The following HRNR variants were observed in gnomAD, a reference collection of about 807,000 sequenced individuals.
HRNR encodes hornerin.
HRNR carries 7 observed loss-of-function variants against 4.8 expected under a neutral mutation model. The observed-to-expected ratio is 1.47, with a 90% CI of 0.83 to 2.75. HRNR has a LOEUF of 2.75. Among genes scored for constraint, HRNR ranks in the 30% most tolerant of loss-of-function variants. The pLI is 0.00. For synonymous variants in HRNR, 1,023 were observed against 1,242.7 expected, an observed-to-expected ratio of 0.82 and a Z score of 3.72; for missense variants, 2,879 against 3,010.4, an observed-to-expected ratio of 0.96 and a Z score of 1.02.
In HRNR at chr1:152,223,257, T is replaced by A. The variant is rs745806751; in HGVS notation, c.-4A>T. The A allele has an allele frequency of 6.2e-7, 1 of 1,609,078 alleles. No homozygotes were observed. Reference sequence around the variant, plus strand: ...CGCCTTGTAGGAGTTTAGGCATTTTTTTTTTTGCAAGTTTGAGTAACCTAA... The same window carrying A: ...CGCCTTGTAGGAGTTTAGGCATTTTATTTTTTGCAAGTTTGAGTAACCTAA... On this transcript the variant is annotated 5_prime_UTR_variant, in exon 2 of 3. Transcript: ENST00000368801.
chr1:152,212,814 C>T lies in HRNR; in HGVS notation c.*262G>A, dbSNP rs566404141. The T allele has an allele frequency of 7.6e-6, 4 of 524,572 alleles. No individual in the cohort carries two copies. The East Asian group carries it at 1.0e-4, about 13-fold the overall frequency. 32.5% of individuals were successfully genotyped at this position (524,572 alleles called of 1,614,324 possible). A position where few individuals can be genotyped will look rare whatever the true frequency, so the allele number is the denominator to read the frequency against. ...GCTCTTTAAAAGCTTTTCATTATTC[C>T]TCAAAGTTTAACCCTCATTCTAACA... On this transcript the variant is annotated 3_prime_UTR_variant, in exon 3 of 3. Coordinates refer to ENST00000368801, the MANE Select transcript of HRNR (RefSeq NM_001009931.3).
chr1:152,212,796 A>G lies in HRNR; in HGVS notation c.*280T>C. 1 of 487,116 alleles carries G rather than the reference A, an allele frequency of 2.1e-6. No individual in the cohort carries two copies. Among genetic ancestry groups the G allele is most frequent in the Non-Finnish European group, 3.6e-6 (1 of 278,346 alleles). The allele number at this position is 487,116 out of a possible 1,614,324, so 30.2% of individuals were successfully genotyped here. On this transcript the variant is annotated 3_prime_UTR_variant, in exon 3 of 3. Coordinates refer to ENST00000368801, the MANE Select transcript of HRNR (RefSeq NM_001009931.3). Reference sequence around the variant, plus strand: ...ACTCCAACTAAACCCAAAGCTCTTTAAAAGCTTTTCATTATTCCTCAAAGT... The same window carrying G: ...ACTCCAACTAAACCCAAAGCTCTTTGAAAGCTTTTCATTATTCCTCAAAGT...
rs372592483 is a variant in HRNR at position 152,218,591 on chromosome 1, C to G, written c.3038G>C (p.Arg1013Pro). ...AGACTGCCCGGAACCAGACCCATGT[C>G]GGCCACGGCTAGGGCTAGGAGACTG... ...SGQSPSPSRG[R>P]HGSGSGQSSS... Residue 1013 changes from arginine to proline, a missense_variant, in exon 3 of 3, where the codon CGA becomes CCA. Physicochemically the swap from Arg to Pro is moderately radical, Grantham distance 103. Around this residue, in one of 8 missense-constraint regions of HRNR, gnomAD observed 2,646 missense variants for 1,377.7 expected, o/e 1.92. Coordinates refer to ENST00000368801, the MANE Select transcript of HRNR (RefSeq NM_001009931.3). 45 of 1,613,610 alleles carry G rather than the reference C, an allele frequency of 2.8e-5. No homozygotes were observed. The highest frequency in any genetic ancestry group is 3.8e-5 in the Non-Finnish European group (45 of 1,179,862).
Position 152,216,796 on chromosome 1 carries a change from G to GT in HRNR, c.4832dup (p.Tyr1611Ter). Residue 1611 changes from tyrosine to a stop codon, truncating the protein, a stop_gained and frameshift_variant, in exon 3 of 3, where the codon TAC (tyrosine) becomes TAAC (stop). Coordinates refer to ENST00000368801, the MANE Select transcript of HRNR (RefSeq NM_001009931.3). LOFTEE classifies it low-confidence loss of function (END_TRUNC). Reference sequence around the variant, plus strand: ...GACCGGAGCCAGACCCATGTCGGCCGTAGCTGGGAGACTGCCTTGACCCAG... The same window carrying GT: ...GACCGGAGCCAGACCCATGTCGGCCGTTAGCTGGGAGACTGCCTTGACCCAG... ...RGSGSRQSPS[Y>*]GRHGSGSGRS... 1 of 760,018 alleles carries GT rather than the reference G, an allele frequency of 1.3e-6. No homozygotes were observed. Among genetic ancestry groups the GT allele is most frequent in the Non-Finnish European group, 1.9e-6 (1 of 539,400 alleles). The allele number at this position is 760,018 out of a possible 1,614,324, so 47.1% of individuals were successfully genotyped here.
Position 152,218,658 on chromosome 1 carries a change from G to T in HRNR, c.2971C>A (p.Arg991Ser), listed in dbSNP as rs373485996. 11 of 1,610,024 alleles carry T rather than the reference G, an allele frequency of 6.8e-6. No homozygotes were observed. The East Asian group carries it at 2.5e-4, about 36-fold the overall frequency. Residue 991 changes from arginine (R) to serine (S), a missense_variant, in exon 3 of 3, where the codon CGT (arginine) becomes AGT (serine). By Grantham distance (110) the Arg-to-Ser change is moderately radical (BLOSUM62 -1). Around this residue, in one of 8 missense-constraint regions of HRNR, gnomAD observed 2,646 missense variants for 1,377.7 expected, o/e 1.92. Coordinates refer to ENST00000368801, the MANE Select transcript of HRNR (RefSeq NM_001009931.3). Reference sequence around the variant, plus strand: ...TGTTGGCCGTGGCCCAAAGACTGACGGGAGCCAGACCCATGCTGACCATAG... The same window carrying T: ...TGTTGGCCGTGGCCCAAAGACTGACTGGAGCCAGACCCATGCTGACCATAG... ...SSYGQHGSGS[R>S]QSLGHGQHGS...
chr1:152,213,486 C>T lies in HRNR; in HGVS notation c.8143G>A (p.Gly2715Arg). Residue 2715 changes from glycine to arginine, a missense_variant, in exon 3 of 3, where the codon GGG becomes AGG. Coordinates refer to ENST00000368801, the MANE Select transcript of HRNR (RefSeq NM_001009931.3). ...TGCTGTCCTTGGCTACAGAAGTGCC[C>T]TGAGCCACTACCATGCTGACTGTAA... ...SAYSQHGSGS[G>R]HFCSQGQHGS... 1 of 1,389,964 alleles carries T rather than the reference C, an allele frequency of 7.2e-7. No individual in the cohort carries two copies. The highest frequency in any genetic ancestry group is 1.0e-6 in the Non-Finnish European group (1 of 1,002,840). 86.1% of individuals were successfully genotyped at this position (1,389,964 alleles called of 1,614,324 possible).
In HRNR at chr1:152,220,875, C is replaced by G; in HGVS notation, c.754G>C (p.Gly252Arg). The change falls in exon 3 of 3, where the codon GGT (glycine) becomes CGT (arginine). Residue 252 changes from glycine (G) to arginine (R), a missense_variant. Gly to Arg is a moderately radical substitution (Grantham distance 125). Transcript: ENST00000368801. ...TGTTGTCCGTAGCCAGAGGAGTGACCTGAGCCAGATCCATGCTGACTGTAA... is the reference window on the plus strand; with the variant it reads ...TGTTGTCCGTAGCCAGAGGAGTGACGTGAGCCAGATCCATGCTGACTGTAA... ...SGYSQHGSGS[G>R]HSSGYGQHGS... 1 of 1,614,118 alleles carries G rather than the reference C, an allele frequency of 6.2e-7. No homozygotes were observed. The highest frequency in any genetic ancestry group is 8.5e-7 in the Non-Finnish European group (1 of 1,180,030).
rs1274470104 is a variant in HRNR at position 152,219,357 on chromosome 1, C to T, written c.2272G>A (p.Gly758Ser). 2 of 1,613,832 alleles carry T rather than the reference C, an allele frequency of 1.2e-6. No homozygotes were observed. Among genetic ancestry groups the T allele is most frequent in the Non-Finnish European group, 1.7e-6 (2 of 1,180,008 alleles). ...CCGTGGCCCGAAGATTGATGGGAGC[C>T]CGACCCATGCTGACCATAGCTGGAA... ...LSSSYGQHGS[G>S]SHQSSGHGRQ... Residue 758 changes from glycine (G) to serine (S), a missense_variant, in exon 3 of 3, where the codon GGC becomes AGC. This residue lies in a region of HRNR where 2,646 missense variants were observed against 1,377.7 expected (regional missense o/e 1.92). Transcript: ENST00000368801.
Position 152,218,267 on chromosome 1 carries a change from C to T in HRNR, c.3362G>A (p.Gly1121Glu). The change falls in exon 3 of 3, where the codon GGA becomes GAA. Residue 1121 changes from glycine (G) to glutamate (E), a missense_variant. Around this residue, in one of 8 missense-constraint regions of HRNR, gnomAD observed 26 missense variants for 79.4 expected, o/e 0.33. Coordinates refer to ENST00000368801, the MANE Select transcript of HRNR (RefSeq NM_001009931.3). ...QSSGYGRQGS[G>E]SGQSPGHGQR... Reference sequence around the variant, plus strand: ...GCCGTGGCCTGGAGACTGGCCAGATCCAGAGCCCTGTCGGCCATAGCCAGA... The same window carrying T: ...GCCGTGGCCTGGAGACTGGCCAGATTCAGAGCCCTGTCGGCCATAGCCAGA... 5 of 1,593,380 alleles carry T rather than the reference C, an allele frequency of 3.1e-6. No individual in the cohort carries two copies. The highest frequency in any genetic ancestry group is 1.7e-5 in the Admixed American group (1 of 58,572).
chr1:152,212,911 A>G lies in HRNR; in HGVS notation c.*165T>C, dbSNP rs148522463. ...CAGTCTTTGGAAGGAACCCCATAAC[A>G]AGATATATGCTACAGTTTTAGGCTC... On this transcript the variant is annotated 3_prime_UTR_variant, in exon 3 of 3. Transcript: ENST00000368801. 7.0e-3 allele frequency: 6,528 copies of G among 935,058 alleles called. 42 individuals carry two copies. Among genetic ancestry groups the G allele is most frequent in the South Asian group, 0.01 (555 of 54,950 alleles). 57.9% of individuals were successfully genotyped at this position (935,058 alleles called of 1,614,324 possible).
chr1:152,220,144 G>A lies in HRNR; in HGVS notation c.1485C>T (p.Gly495=), dbSNP rs1557845500. The change falls in exon 3 of 3, where the codon GGC becomes GGT. Residue 495 remains glycine (G), a synonymous_variant. Transcript: ENST00000368801. The part of the protein sequence containing the change: ...SGHSSGHGQH[G]SRSGQSSRGE... ...CCCTAGATGACTGTCCTGACCTAGA[G>A]CCGTGTTGTCCGTGGCCGGAGGAGT... 6.2e-7 allele frequency: 1 copy of A among 1,613,268 alleles called. No homozygotes were observed.
At position 152,220,170 on chromosome 1, in the gene HRNR, G is replaced by T. The variant is rs1648904769; in HGVS notation, c.1459C>A (p.His487Asn). The T allele has an allele frequency of 1.2e-6, 2 of 1,613,324 alleles. No individual in the cohort carries two copies. The highest frequency in any genetic ancestry group is 1.7e-6 in the Non-Finnish European group (2 of 1,179,502). The change falls in exon 3 of 3, where the codon CAC becomes AAC. Residue 487 changes from histidine to asparagine, a missense_variant. By Grantham distance (68) the His-to-Asn change is moderately conservative (BLOSUM62 1). Coordinates refer to ENST00000368801, the MANE Select transcript of HRNR (RefSeq NM_001009931.3). ...GYTQHGSGSG[H>N]SSGHGQHGSR... ...CCGTGTTGTCCGTGGCCGGAGGAGT[G>T]ACCTGAGCCAGATCCATGCTGAGTG...
Position 152,218,901 on chromosome 1 carries a change from C to T in HRNR, c.2728G>A (p.Gly910Arg), listed in dbSNP as rs754333646. ...CTGGAAGACCGACCGGAGCCAGACC[C>T]ATGTCGGCCATAGCTGGGAGACTGC... ...SGQSPSYGRH[G>R]SGSGRSSSSG... The change falls in exon 3 of 3, where the codon GGG becomes AGG. Residue 910 changes from glycine (G) to arginine (R), a missense_variant. By Grantham distance (125) the Gly-to-Arg change is moderately radical. Transcript: ENST00000368801. The T allele has an allele frequency of 3.1e-6, 5 of 1,613,626 alleles. No individual in the cohort carries two copies. The highest frequency in any genetic ancestry group is 2.2e-5 in the South Asian group (2 of 91,054).
rs780620643 is a variant in HRNR, at chr1:152,219,977, C to T, written c.1652G>A (p.Gly551Asp). 3 of 1,613,898 alleles carry T rather than the reference C, an allele frequency of 1.9e-6. No individual in the cohort carries two copies. The highest frequency in any genetic ancestry group is 3.3e-5 in the Admixed American group (2 of 60,010). Residue 551 changes from glycine (G) to aspartate (D), a missense_variant, in exon 3 of 3, where the codon GGT becomes GAT. Transcript: ENST00000368801. ...GCCATAGCTGGAAGACTGCCTGGAA[C>T]CAGACTCATGTCGGCCACGGCTAGG... ...PSPSRGRHES[G>D]SRQSSSYGPH...
At position 152,213,284 on chromosome 1, in the gene HRNR, G is replaced by C. The variant is rs772645429; in HGVS notation, c.8345C>G (p.Ser2782Cys). The C allele has an allele frequency of 2.7e-6, 4 of 1,469,204 alleles. No homozygotes were observed. In the African/African-American group the frequency reaches 4.3e-5, roughly 16 times the overall value. The allele number at this position is 1,469,204 out of a possible 1,614,324, so 91.0% of individuals were successfully genotyped here. ...HGRHGSGSGQ[S>C]SSYGQHGSGS... ...AGACCCATGTTGGCCGTAGCTGGAA[G>C]ACTGCCCTGAACCAGACCCGTGTCG... The change falls in exon 3 of 3, where the codon TCT becomes TGT. Residue 2782 changes from serine to cysteine, a missense_variant. Ser to Cys is a moderately radical substitution (Grantham distance 112). Transcript: ENST00000368801.
Position 152,212,810 on chromosome 1 carries a change from A to T in HRNR, c.*266T>A. 1.9e-6 allele frequency: 1 copy of T among 518,284 alleles called. No homozygotes were observed. The highest frequency in any genetic ancestry group is 3.4e-6 in the Non-Finnish European group (1 of 298,342). 32.1% of individuals were successfully genotyped at this position (518,284 alleles called of 1,614,324 possible). On this transcript the variant is annotated 3_prime_UTR_variant, in exon 3 of 3. Coordinates refer to ENST00000368801, the MANE Select transcript of HRNR (RefSeq NM_001009931.3). ...CAAAGCTCTTTAAAAGCTTTTCATT[A>T]TTCCTCAAAGTTTAACCCTCATTCT...
Position 152,219,982 on chromosome 1 carries a change from C to A in HRNR, c.1647G>T (p.Glu549Asp), listed in dbSNP as rs755542818. 1 of 1,613,314 alleles carries A rather than the reference C, an allele frequency of 6.2e-7. No homozygotes were observed. The highest frequency in any genetic ancestry group is 1.1e-5 in the South Asian group (1 of 91,046). ...QSPSPSRGRH[E>D]SGSRQSSSYG... is the part of the protein sequence containing the mutation. Reference sequence around the variant, plus strand: ...AGCTGGAAGACTGCCTGGAACCAGACTCATGTCGGCCACGGCTAGGGCTAG... The same window carrying A: ...AGCTGGAAGACTGCCTGGAACCAGAATCATGTCGGCCACGGCTAGGGCTAG... The change falls in exon 3 of 3, where the codon GAG becomes GAT. Residue 549 changes from glutamate to aspartate, a missense_variant. Glu to Asp is a conservative substitution (Grantham distance 45). Coordinates refer to ENST00000368801, the MANE Select transcript of HRNR (RefSeq NM_001009931.3).
chr1:152,213,174 G>C lies in HRNR; in HGVS notation c.8455C>G (p.His2819Asp), dbSNP rs768345595. ...TATGAGCCAGAACTTCCCCCATCAT[G>C]GTTACTTCCTCCTTTGCAATAAGAA... is the stretch of plus-strand genomic sequence containing the variant. ...GYSYCKGGSNHDGGSSGSYFL... is the reference protein window; with the variant it reads ...GYSYCKGGSNDDGGSSGSYFL... Residue 2819 changes from histidine (H) to aspartate (D), a missense_variant, in exon 3 of 3, where the codon CAT becomes GAT. Around this residue, in one of 8 missense-constraint regions of HRNR, gnomAD observed 158 missense variants for 107.6 expected, o/e 1.47. Coordinates refer to ENST00000368801, the MANE Select transcript of HRNR (RefSeq NM_001009931.3). 1.9e-6 allele frequency: 3 copies of C among 1,613,946 alleles called. No individual in the cohort carries two copies. The highest frequency in any genetic ancestry group is 2.5e-6 in the Non-Finnish European group (3 of 1,180,046).
chr1:152,212,965 CA>C lies in HRNR; in HGVS notation c.*110del. Reference sequence around the variant, plus strand: ...AGAAAGAGACAGAAATGCATTGATTCACTTTTAGAACGAATTTCATGATGGA... The same window carrying C: ...AGAAAGAGACAGAAATGCATTGATTCCTTTTAGAACGAATTTCATGATGGA... On this transcript the variant is annotated 3_prime_UTR_variant, in exon 3 of 3. Transcript: ENST00000368801. The C allele has an allele frequency of 1.4e-6, 2 of 1,420,384 alleles. No individual in the cohort carries two copies. Among genetic ancestry groups the C allele is most frequent in the Non-Finnish European group, 1.9e-6 (2 of 1,057,448 alleles). The allele number at this position is 1,420,384 out of a possible 1,614,324, so 88.0% of individuals were successfully genotyped here.
Sources: gnomAD v4.1 joint callset for allele counts on GRCh38, gnomAD v4.1.1 for gene constraint, gnomAD v4.1.1 regional missense constraint, MANE v1.5 for transcripts, NCBI Gene and HGNC (gene_info 2026-07-23, HGNC 2026-07-21) for gene names.